IFNAR2: variants seen among roughly 807,000 people sequenced by gnomAD.
The protein encoded by IFNAR2 is interferon alpha/beta receptor 2.
In IFNAR2, 30 loss-of-function variants were observed where a neutral mutation model predicts 49.4. The observed-to-expected ratio is 0.61, with a 90% confidence interval of 0.45 to 0.82. The LOEUF is 0.82. Ranked by LOEUF, IFNAR2 falls within the 40% of genes least tolerant of loss-of-function variation. The pLI is 0.00. For synonymous variants in IFNAR2, 224 were observed against 234.5 expected (o/e 0.96, Z 0.41); for missense variants, 600 against 622.7 (o/e 0.96, Z 0.39).
chr21:33,232,742 G>A (rs1007418430), intron 1 of IFNAR2, among the ~76,000 whole-genome samples: 1 of 152,048 alleles, frequency 6.6e-6, no homozygotes. Flanking sequence ...TATGCTGGGT[G>A]AAGGTGAGTG....
Position 33,264,093 on chromosome 21 carries a change from A to G in IFNAR2, c.*593A>G, listed in dbSNP as rs1156657008. The G allele has an allele frequency of 6.6e-6, 1 of 152,574 alleles. No individual in the cohort carries two copies. The highest frequency in any genetic ancestry group is 1.5e-5 in the Non-Finnish European group (1 of 68,448). 9.5% of individuals were successfully genotyped at this position (152,574 alleles called of 1,614,324 possible). On this transcript the variant is annotated 3_prime_UTR_variant, in exon 9 of 9. Coordinates refer to ENST00000342136, the MANE Select transcript of IFNAR2 (RefSeq NM_001289125.3). The stretch of plus-strand genomic sequence containing the variant: ...AGGCTGGTCTCAAACTCCTGACCTC[A>G]AGTGATCTGCCCTCCTCAGCCTCGT...
intron 7 of IFNAR2, among the ~76,000 whole-genome samples, chr21:33,254,748 G>T (rs1568891631): frequency 6.6e-6 from 1 of 152,114 alleles, no homozygotes; most frequent in Non-Finnish European, 1.5e-5. Flanking sequence ...CACCTTTCCA[G>T]ATTGAACCAG....
intron 8 of IFNAR2, among the ~76,000 whole-genome samples, chr21:33,261,098 G>A (rs1034441958): frequency 1.0e-4 from 15 of 143,256 alleles, no homozygotes; most frequent in South Asian, 8.9e-4. Context: ...GTACAGTGGC[G>A]TGATCTCAGC....
chr21:33,237,078 G>GGTGGGTGTGTGT (rs57276350), intron 1 of IFNAR2, among the ~76,000 whole-genome samples: 2,586 of 147,644 alleles, frequency 0.018, 107 homozygotes, highest in Admixed American at 0.093. Flanking sequence ...GGGAGAATGG[G>GGTGGGTGTGTGT]GTGTGTGTGT....
At chr21:33,244,897 C>A in intron 3 of IFNAR2, 54 bp from the exon 4 acceptor site, 1 of 1,590,026 alleles carries the variant, frequency 6.3e-7, no homozygotes, top group Non-Finnish European at 8.6e-7. Flanking sequence ...GAACAGTGGC[C>A]AGAATACAAC....
At chr21:33,246,629 A>G (rs1987428367) in intron 4 of IFNAR2, 89 bp from the exon 5 acceptor site, 4 of 935,108 alleles carry the variant, frequency 4.3e-6, no homozygotes, top group Non-Finnish European at 6.4e-6. Flanking sequence ...GCAGAGCCCT[A>G]AAGGAAACAA....
intron 1 of IFNAR2, among the ~76,000 whole-genome samples, chr21:33,237,323 A>G (rs1386888329): frequency 6.6e-6 from 1 of 151,992 alleles, no homozygotes; most frequent in Non-Finnish European, 1.5e-5. Context: ...CTTGAGCCCA[A>G]GAGTTCAAGA....
chr21:33,258,828 A>G (rs17860241), intron 7 of IFNAR2, among the ~76,000 whole-genome samples: 61,879 of 151,778 alleles, frequency 0.41, 13,297 homozygotes, highest in East Asian at 0.59. Flanking sequence ...AGAGATGGGG[A>G]CCCTCAGAGG....
chr21:33,258,990 G>T (rs548837187), intron 7 of IFNAR2, among the ~76,000 whole-genome samples: 1 of 152,146 alleles, frequency 6.6e-6, no homozygotes, highest in South Asian at 2.1e-4. Flanking sequence ...AGGTAAGTAC[G>T]GGAGGAACTA....
intron 7 of IFNAR2, among the ~76,000 whole-genome samples, chr21:33,254,597 G>C (rs1448632782): frequency 6.6e-6 from 1 of 152,136 alleles, no homozygotes; most frequent in Non-Finnish European, 1.5e-5. Flanking sequence ...GCTACCAGAG[G>C]CTTCATCTGC....
In IFNAR2 at chr21:33,251,032, A is replaced by C. The variant is rs963388931; in HGVS notation, c.541-1630A>C. Among the ~76,000 whole-genome samples, 4 of 152,114 alleles carry C rather than the reference A, an allele frequency of 2.6e-5. 1 individual carries two copies. The highest frequency in any genetic ancestry group is 1.5e-5 in the Non-Finnish European group (1 of 67,998). On this transcript the variant is annotated intron_variant, in intron 6 of 8. Coordinates refer to ENST00000342136, the MANE Select transcript of IFNAR2 (RefSeq NM_001289125.3). ...GTGCCAGTCTGTTGTCCAGGAGAGA[A>C]CCCGCAGCTAGAGAGAGAGCCTGGG... is the stretch of plus-strand genomic sequence containing the variant.
chr21:33,257,647 T>A (rs1029408745), intron 7 of IFNAR2, among the ~76,000 whole-genome samples: 2 of 152,040 alleles, frequency 1.3e-5, no homozygotes, highest in African/African-American at 4.8e-5. Flanking sequence ...GACAGGAAAG[T>A]CCCTGATTGG....
At chr21:33,231,776 C>A in intron 1 of IFNAR2, 1 of 755,068 alleles carries the variant, frequency 1.3e-6, no homozygotes, top group Non-Finnish European at 1.6e-6. Context: ...AAGTCTCGCT[C>A]TGTCGCGCAG....
At chr21:33,259,661 C>T (rs1232433224) in intron 7 of IFNAR2, among the ~76,000 whole-genome samples, 1 of 152,186 alleles carries the variant, frequency 6.6e-6, no homozygotes, top group Non-Finnish European at 1.5e-5. Context: ...AAACGCTATA[C>T]ATGTCAGAAT....
At chr21:33,240,860 C>T (rs1275789506) in intron 1 of IFNAR2, among the ~76,000 whole-genome samples, 1 of 151,856 alleles carries the variant, frequency 6.6e-6, no homozygotes, top group Non-Finnish European at 1.5e-5. Context: ...TATATTCAGC[C>T]ATAAAAAAGA....
Position 33,230,428 on chromosome 21 carries a change from C to T in IFNAR2, c.-84+212C>T, listed in dbSNP as rs540590129. The T allele has an allele frequency of 5.4e-4, 249 of 459,756 alleles. 1 individual carries two copies. Among genetic ancestry groups the T allele is most frequent in the African/African-American group, 3.6e-3 (181 of 49,592 alleles). The allele number at this position is 459,756 out of a possible 1,614,324, so 28.5% of individuals were successfully genotyped here. A position where few individuals can be genotyped will look rare whatever the true frequency, so the allele number is the denominator to read the frequency against. ...GGGGCCGCACCTGCGACCCCAGGACCCCTCCCGGGCCCTGTCCTGCGCCCT... is the reference window on the plus strand; with the variant it reads ...GGGGCCGCACCTGCGACCCCAGGACTCCTCCCGGGCCCTGTCCTGCGCCCT... On this transcript the variant is annotated intron_variant, in intron 1 of 8. Coordinates refer to ENST00000342136, the MANE Select transcript of IFNAR2 (RefSeq NM_001289125.3). The surrounding 1 kb of genome is among the most constrained non-coding windows in gnomAD (Gnocchi z 5.5).
At chr21:33,248,609 G>A (rs1987615917) in intron 5 of IFNAR2, 100 bp from the exon 6 acceptor site, 2 of 1,088,686 alleles carry the variant, frequency 1.8e-6, no homozygotes, top group Non-Finnish European at 2.5e-6. Flanking sequence ...TCAGGACTTG[G>A]CAGATTTTCT....
chr21:33,257,829 AGGCCACC>A (rs1988312736), intron 7 of IFNAR2, among the ~76,000 whole-genome samples: 1 of 152,088 alleles, frequency 6.6e-6, no homozygotes, highest in South Asian at 2.1e-4. Context: ...GGACATGGGC[AGGCCACC>A]CACAGCATCC....
Position 33,230,337 on chromosome 21 carries a change from C to A in IFNAR2, c.-84+121C>A. Reference sequence around the variant, plus strand: ...CGGTTCCCTCTCGCTCTCCCCGACTCCTCCTCCTCCTCCTGCCCTCCCTCT... The same window carrying A: ...CGGTTCCCTCTCGCTCTCCCCGACTACTCCTCCTCCTCCTGCCCTCCCTCT... On this transcript the variant is annotated intron_variant, in intron 1 of 8. Transcript: ENST00000342136. The surrounding 1 kb of genome is among the most constrained non-coding windows in gnomAD (Gnocchi z 5.5). The A allele has an allele frequency of 1.6e-6, 1 of 627,364 alleles. No individual in the cohort carries two copies. Among genetic ancestry groups the A allele is most frequent in the Non-Finnish European group, 2.2e-6 (1 of 458,722 alleles). 38.9% of individuals were successfully genotyped at this position (627,364 alleles called of 1,614,324 possible).
Sources: gnomAD v4.1 joint callset for allele counts (sites outside exome capture counted in the v4.1 genomes callset) on GRCh38, gnomAD v4.1.1 for gene constraint, Gnocchi (gnomAD v3.1) non-coding constraint, MANE v1.5 for transcripts, NCBI Gene and HGNC (gene_info 2026-07-23, HGNC 2026-07-21) for gene names.